The following DAB1 variants were observed in gnomAD, a reference collection of about 807,000 sequenced individuals.
The protein encoded by DAB1 is DAB adaptor protein 1, also known as disabled homolog 1.
DAB1 carries 15 observed loss-of-function variants against 64.6 expected under a neutral mutation model. That is an observed-to-expected ratio of 0.23 (90% CI 0.16 to 0.36). DAB1 has a LOEUF of 0.36. Among genes scored for constraint, DAB1 ranks in the 10% least tolerant of loss-of-function variants. The pLI is 1.00. For missense variants in DAB1, 596 were observed against 706.7 expected, an observed-to-expected ratio of 0.84 and a Z score of 1.78; for synonymous variants, 235 against 251.9, an observed-to-expected ratio of 0.93 and a Z score of 0.64.
intron 3 of DAB1, among the ~76,000 whole-genome samples, chr1:58,363,906 A>G (rs1469293555): frequency 6.6e-6 from 1 of 152,202 alleles, no homozygotes; most frequent in Non-Finnish European, 1.5e-5. Context: ...GGCTTTCCAT[A>G]GAACAGTGCA....
At chr1:57,174,629 G>T (rs780293325) in intron 2 of DAB1, among the ~76,000 whole-genome samples, 1 of 152,086 alleles carries the variant, frequency 6.6e-6, no homozygotes, top group Non-Finnish European at 1.5e-5. Flanking sequence ...ACTGCCTTGA[G>T]TCCTCTGAAC....
intron 5 of DAB1, among the ~76,000 whole-genome samples, chr1:57,910,076 C>A (rs965400859): frequency 6.6e-6 from 1 of 152,110 alleles, no homozygotes; most frequent in African/African-American, 2.4e-5. Flanking sequence ...ACAAAGCGAC[C>A]CAGCGATCAT....
chr1:58,394,772 G>A (rs971712467), intron 3 of DAB1, among the ~76,000 whole-genome samples: 7 of 152,150 alleles, frequency 4.6e-5, no homozygotes, highest in South Asian at 2.1e-4. Context: ...AGAGAGTATG[G>A]ATGTTATTAT....
chr1:57,393,323 C>A (rs942988284), intron 1 of DAB1, among the ~76,000 whole-genome samples: 8 of 152,292 alleles, frequency 5.3e-5, no homozygotes, highest in Admixed American at 2.0e-4. Flanking sequence ...GGTTTTTTCA[C>A]TTCAGCATAG....
At position 57,246,873 on chromosome 1, in the gene DAB1, G is replaced by A. The variant is rs139309885; in HGVS notation, c.67+44091C>T. 2.3e-3 allele frequency among the ~76,000 whole-genome samples: 344 copies of A among 152,306 alleles called. 1 individual carries two copies. Among genetic ancestry groups the A allele is most frequent in the African/African-American group, 8.1e-3 (337 of 41,554 alleles). ...TTTAATGACTGTCATACTGGGTTTT[G>A]GACTTGTATGGGGCCTGTAGCCCTT... On this transcript the variant is annotated intron_variant, in intron 2 of 14. Transcript: ENST00000371236.
chr1:57,125,321 C>T (rs1236412944), intron 4 of DAB1, among the ~76,000 whole-genome samples: 1 of 152,306 alleles, frequency 6.6e-6, no homozygotes, highest in South Asian at 2.1e-4. Flanking sequence ...GACTCATATG[C>T]TGCAGAGATA....
chr1:57,426,870 A>T (rs900807434), upstream of DAB1, among the ~76,000 whole-genome samples: 12 of 144,928 alleles, frequency 8.3e-5, no homozygotes, highest in African/African-American at 3.2e-4. Flanking sequence ...ATATATATAT[A>T]TATATTTTTT....
chr1:57,963,558 A>G (rs1414667916), intron 5 of DAB1, among the ~76,000 whole-genome samples: 1 of 152,228 alleles, frequency 6.6e-6, no homozygotes, highest in Non-Finnish European at 1.5e-5. Context: ...TAGGAGCACA[A>G]GAATTGATCA....
intron 7 of DAB1, among the ~76,000 whole-genome samples, chr1:57,553,685 TA>T (rs951224247): frequency 6.1e-5 from 9 of 148,136 alleles, no homozygotes; most frequent in South Asian, 2.1e-4. Context: ...ATAGAAAAAA[TA>T]AAAAAAAAGG....
intron 4 of DAB1, among the ~76,000 whole-genome samples, chr1:58,298,890 T>C (rs1662052349): frequency 6.6e-6 from 1 of 152,218 alleles, no homozygotes; most frequent in South Asian, 2.1e-4. Flanking sequence ...CTACTCTATG[T>C]AGAAGTATGT....
intron 2 of DAB1, among the ~76,000 whole-genome samples, chr1:57,166,053 G>A (rs1372562627): frequency 6.6e-6 from 1 of 152,148 alleles, no homozygotes; most frequent in Non-Finnish European, 1.5e-5. Context: ...CTAACAAATG[G>A]AAATAATCAT....
chr1:57,393,465 G>A (rs1343931930), intron 1 of DAB1, among the ~76,000 whole-genome samples: 1 of 152,120 alleles, frequency 6.6e-6, no homozygotes, highest in Non-Finnish European at 1.5e-5. Flanking sequence ...GATGGAGACA[G>A]GTGACTGCTT....
chr1:57,676,095 A>C (rs1646563408), intron 6 of DAB1, among the ~76,000 whole-genome samples: 1 of 152,182 alleles, frequency 6.6e-6, no homozygotes, highest in South Asian at 2.1e-4. Flanking sequence ...AGTGGAGCTC[A>C]TTATATGGGG....
At chr1:58,053,784 C>G (rs901718974) in intron 5 of DAB1, among the ~76,000 whole-genome samples, 3 of 152,218 alleles carry the variant, frequency 2.0e-5, no homozygotes, top group Admixed American at 6.5e-5. Flanking sequence ...GAACCCCAAT[C>G]TGTATACTTA....
At chr1:57,741,457 C>T (rs1444707365) in intron 6 of DAB1, among the ~76,000 whole-genome samples, 2 of 152,170 alleles carry the variant, frequency 1.3e-5, no homozygotes, top group South Asian at 2.1e-4. Flanking sequence ...TAGCTTAAAA[C>T]GTAGCCTACC....
chr1:57,684,269 T>A (rs1052567032), intron 6 of DAB1, among the ~76,000 whole-genome samples: 1 of 152,030 alleles, frequency 6.6e-6, no homozygotes, highest in Non-Finnish European at 1.5e-5. Context: ...AGAAATACAG[T>A]TGACCCTGGC....
chr1:57,216,466 A>G lies in DAB1; in HGVS notation c.68-71037T>C, dbSNP rs143401462. Among the ~76,000 whole-genome samples the G allele has an allele frequency of 5.6e-3, 856 of 152,288 alleles. 5 individuals carry two copies. The highest frequency in any genetic ancestry group is 9.4e-3 in the Non-Finnish European group (640 of 68,018). ...GTTATAGGTATACCCTGGATATCCA[A>G]GATGATGTCATTTTCAAACATTCCC... On this transcript the variant is annotated intron_variant, in intron 2 of 14. Coordinates refer to ENST00000371236, the MANE Select transcript of DAB1 (RefSeq NM_001365792.1).
intron 3 of DAB1, among the ~76,000 whole-genome samples, chr1:58,491,880 T>C (rs1645699153): frequency 6.6e-6 from 1 of 152,234 alleles, no homozygotes; most frequent in South Asian, 2.1e-4. Context: ...AACAAGGATA[T>C]CCAGGAATTG....
At chr1:58,121,387 G>A (rs1176345181) in intron 5 of DAB1, among the ~76,000 whole-genome samples, 4 of 151,926 alleles carry the variant, frequency 2.6e-5, no homozygotes, top group Non-Finnish European at 5.9e-5. Context: ...ATTGTAAAAG[G>A]GCTACTTAAC....
Sources: allele counts gnomAD v4.1 joint callset (sites outside exome capture counted in the v4.1 genomes callset), GRCh38; gene constraint gnomAD v4.1.1; transcripts MANE v1.5; gene names NCBI Gene and HGNC (gene_info 2026-07-23, HGNC 2026-07-21).